Variants in MYB observed in about 807,000 individuals in gnomAD.
MYB encodes the protein MYB proto-oncogene, transcription factor.
In MYB, 28 loss-of-function variants were observed where a neutral mutation model predicts 92.9. That is an observed-to-expected ratio of 0.30 (90% CI 0.22 to 0.41). The LOEUF (loss-of-function observed/expected upper bound fraction) is 0.41, where lower values mean the gene tolerates loss of function less well. MYB is among the 10% of genes least tolerant of loss of function. MYB has a pLI of 1.00. For missense variants in MYB, 679 were observed against 929.3 expected (o/e 0.73, Z 3.50); for synonymous variants, 295 against 329.1 (o/e 0.90, Z 1.12).
intron 15 of MYB, among the ~76,000 whole-genome samples, chr6:135,216,316 T>C (rs1472033938): frequency 1.3e-5 from 2 of 152,214 alleles, no homozygotes; most frequent in Admixed American, 6.5e-5. Context: ...CATCTTACCA[T>C]ATAATTTTTT....
intron 13 of MYB, 48 bp from the exon 14 acceptor site, chr6:135,201,591 T>C: frequency 7.6e-7 from 1 of 1,319,478 alleles, no homozygotes; most frequent in African/African-American, 1.5e-5. Flanking sequence ...CTGTACATGT[T>C]TCATAGGAAG....
intron 15 of MYB, among the ~76,000 whole-genome samples, chr6:135,208,193 C>G (rs1417162616): frequency 6.7e-6 from 1 of 150,154 alleles, no homozygotes; most frequent in Non-Finnish European, 1.5e-5. Context: ...ATTCTTCTGC[C>G]TTAGCCTCTC....
chr6:135,196,103 A>G (rs1777259262), intron 9 of MYB, 101 bp downstream of exon 9: 1 of 1,203,732 alleles, frequency 8.3e-7, no homozygotes, highest in East Asian at 2.4e-5. Context: ...TGTTATTAGC[A>G]TATATTAATG....
At position 135,201,699 on chromosome 6, in the gene MYB, A is replaced by C. The variant is rs764731225; in HGVS notation, c.2011A>C (p.Ser671Arg). The part of the protein sequence containing the change: ...FFCSHHWEGD[S>R]LNTQLFTQTS... ...CTGCTCACACCACTGGGAAGGGGACAGTCTGAATACCCAACTGTTCACGCA... is the reference window on the plus strand; with the variant it reads ...CTGCTCACACCACTGGGAAGGGGACCGTCTGAATACCCAACTGTTCACGCA... Residue 671 changes from serine (S) to arginine (R), a missense_variant, in exon 14 of 16, where the codon AGT becomes CGT. By Grantham distance (110) the Ser-to-Arg change is moderately radical. Coordinates refer to ENST00000341911, the MANE Select transcript of MYB (RefSeq NM_001130173.2). 6.3e-7 allele frequency: 1 copy of C among 1,589,030 alleles called. No homozygotes were observed. The highest frequency in any genetic ancestry group is 1.1e-5 in the South Asian group (1 of 88,582).
At chr6:135,193,792 A>G in intron 6 of MYB, 46 bp from the exon 7 acceptor site, 1 of 1,373,072 alleles carries the variant, frequency 7.3e-7, no homozygotes, top group South Asian at 1.2e-5. Context: ...CCTGAAGCAT[A>G]TGTAGCCCTG....
chr6:135,200,750 T>G, intron 13 of MYB: 2 of 306,238 alleles, frequency 6.5e-6, no homozygotes, highest in Non-Finnish European at 1.3e-5. Context: ...AATTGGAATT[T>G]AAATTAAAAT....
At chr6:135,208,234 A>G (rs1306088090) in intron 15 of MYB, among the ~76,000 whole-genome samples, 2 of 150,954 alleles carry the variant, frequency 1.3e-5, no homozygotes, top group Non-Finnish European at 2.9e-5. Flanking sequence ...GCTTGTCACC[A>G]TGCTAGCTAA....
At chr6:135,196,072 T>G (rs1777253680) in intron 9 of MYB, 70 bp downstream of exon 9, 1 of 1,495,824 alleles carries the variant, frequency 6.7e-7, no homozygotes, top group Non-Finnish European at 9.1e-7. Context: ...CTTAAATCAT[T>G]GCCATTTTCT....
rs762309054 is a variant in MYB at position 135,203,190 on chromosome 6, A to C, written c.2062-27A>C. 9 of 1,511,874 alleles carry C rather than the reference A, an allele frequency of 6.0e-6. No homozygotes were observed. In the Admixed American group the frequency reaches 8.6e-5, roughly 14 times the overall value. 93.7% of individuals were successfully genotyped at this position (1,511,874 alleles called of 1,614,324 possible). A position where few individuals can be genotyped will look rare whatever the true frequency, so the allele number is the denominator to read the frequency against. ...CTCTCATATTATCCAACCTCATTTAAATTTCAAATTATTCTCTTCCCTTTA... is the reference window on the plus strand; with the variant it reads ...CTCTCATATTATCCAACCTCATTTACATTTCAAATTATTCTCTTCCCTTTA... On this transcript the variant is annotated intron_variant, in intron 14 of 15. Transcript: ENST00000341911.
At chr6:135,194,794 A>C in intron 8 of MYB, 106 of 659,998 alleles carry the variant, frequency 1.6e-4, no homozygotes, top group Non-Finnish European at 2.4e-4. Flanking sequence ...ATGTATCTAT[A>C]TGGTACCATT....
chr6:135,187,174 A>G (rs1776031538), intron 2 of MYB, among the ~76,000 whole-genome samples: 1 of 152,254 alleles, frequency 6.6e-6, no homozygotes, highest in Non-Finnish European at 1.5e-5. Flanking sequence ...AACAGCATAT[A>G]AACTAAAAGA....
intron 15 of MYB, among the ~76,000 whole-genome samples, chr6:135,211,618 A>C: frequency 6.6e-6 from 1 of 152,228 alleles, no homozygotes; most frequent in Non-Finnish European, 1.5e-5. Context: ...TATTGCAAAA[A>C]GTTGTGCCAC....
chr6:135,211,802 C>T (rs1779742480), intron 15 of MYB, among the ~76,000 whole-genome samples: 1 of 152,098 alleles, frequency 6.6e-6, no homozygotes. Flanking sequence ...ATCACCATCT[C>T]GATTTTTATT....
At chr6:135,213,708 C>A (rs1706389597) in intron 15 of MYB, among the ~76,000 whole-genome samples, 1 of 151,992 alleles carries the variant, frequency 6.6e-6, no homozygotes, top group Admixed American at 6.6e-5. Context: ...ACAGCGAGAC[C>A]CTGTCTCTAC....
In MYB at chr6:135,218,347, G is replaced by C. The variant is rs941359120; in HGVS notation, c.*367G>C. ...TTTTTGAAATTTGACACATTAAAAGGTACTCCAGTATTTCACTTTTCTCGA... is the reference window on the plus strand; with the variant it reads ...TTTTTGAAATTTGACACATTAAAAGCTACTCCAGTATTTCACTTTTCTCGA... On this transcript the variant is annotated 3_prime_UTR_variant, in exon 16 of 16. Coordinates refer to ENST00000341911, the MANE Select transcript of MYB (RefSeq NM_001130173.2). The C allele has an allele frequency of 4.2e-5, 11 of 259,508 alleles. No homozygotes were observed. Among genetic ancestry groups the C allele is most frequent in the Admixed American group, 1.0e-4 (2 of 19,062 alleles). 16.1% of individuals were successfully genotyped at this position (259,508 alleles called of 1,614,324 possible). A position where few individuals can be genotyped will look rare whatever the true frequency, so the allele number is the denominator to read the frequency against.
intron 15 of MYB, chr6:135,203,819 G>C (rs1778481827): frequency 7.8e-7 from 1 of 1,277,252 alleles, no homozygotes; most frequent in Non-Finnish European, 1.0e-6. Context: ...AAAGTCAACT[G>C]TCAATGTTGT....
At chr6:135,202,636 A>G (rs7762830) in intron 14 of MYB, 92,262 of 218,036 alleles carry the variant, frequency 0.42, 20,503 homozygotes, top group African/African-American at 0.59. Context: ...CCAAAGTGCT[A>G]GGATTACAGG....
chr6:135,189,900 T>C lies in MYB; in HGVS notation c.306+17T>C. The C allele has an allele frequency of 3.1e-6, 5 of 1,600,064 alleles. No individual in the cohort carries two copies. The highest frequency in any genetic ancestry group is 2.2e-5 in the East Asian group (1 of 44,816). ...GATCAGAGAGTAAGTTCTTTCTTCA[T>C]TGGTGTGTGACTCATAATTAAGAAT... On this transcript the variant is annotated intron_variant, in intron 4 of 15. Transcript: ENST00000341911.
intron 11 of MYB, 92 bp downstream of exon 11, chr6:135,199,142 T>C (rs1777723802): frequency 8.4e-6 from 9 of 1,066,352 alleles, no homozygotes; most frequent in Non-Finnish European, 1.1e-5. Context: ...TCCACTTGTA[T>C]GTGCATAATT....
Sources: gnomAD v4.1 joint callset for allele counts (sites outside exome capture counted in the v4.1 genomes callset) on GRCh38, gnomAD v4.1.1 for gene constraint, MANE v1.5 for transcripts, NCBI Gene and HGNC (gene_info 2026-07-23, HGNC 2026-07-21) for gene names.